PCSK6: variants seen among roughly 807,000 people sequenced by gnomAD.
PCSK6 encodes proprotein convertase subtilisin/kexin type 6.
A neutral mutation model predicts 123.3 loss-of-function variants in PCSK6; 85 were observed. The observed-to-expected ratio is 0.69, with a 90% CI of 0.58 to 0.83. The LOEUF (loss-of-function observed/expected upper bound fraction) is 0.83. Ranked by LOEUF, PCSK6 falls within the 40% of genes least tolerant of loss-of-function variation. The probability of loss-of-function intolerance (pLI) is 0.00; values close to 1 mark genes in which losing one functional copy is unlikely to be tolerated. For missense variants in PCSK6, 1,191 were observed against 1,282.3 expected, an observed-to-expected ratio of 0.93 and a Z score of 1.09; for synonymous variants, 508 against 516.0, an observed-to-expected ratio of 0.98 and a Z score of 0.21.
chr15:101,474,324 C>T (rs974841719), intron 1 of PCSK6, among the ~76,000 whole-genome samples: 2 of 152,184 alleles, frequency 1.3e-5, no homozygotes, highest in African/African-American at 4.8e-5. Flanking sequence ...AGGCACAGAT[C>T]CAGGTACATG....
At chr15:101,333,077 G>C (rs1024626038) in intron 13 of PCSK6, among the ~76,000 whole-genome samples, 2 of 152,162 alleles carry the variant, frequency 1.3e-5, no homozygotes, top group African/African-American at 4.8e-5. Context: ...GTAAGTCAAA[G>C]AGCATCTATG....
At chr15:101,480,700 CAGTGGGGCCTCCAGGGCACT>C (rs1199383214) in intron 1 of PCSK6, among the ~76,000 whole-genome samples, 2 of 152,184 alleles carry the variant, frequency 1.3e-5, no homozygotes, top group Admixed American at 6.5e-5. Flanking sequence ...TCCAGGGCAC[CAGTGGGGCCTCCAGGGCACT>C]AGTGGGGCCT....
At chr15:101,319,898 C>G (rs980483721) in intron 18 of PCSK6, among the ~76,000 whole-genome samples, 1 of 152,102 alleles carries the variant, frequency 6.6e-6, no homozygotes, top group Non-Finnish European at 1.5e-5. Context: ...TCCCTGTGAG[C>G]TGCTTTAGCC....
chr15:101,389,875 AAAC>A (rs2042173835), intron 8 of PCSK6, among the ~76,000 whole-genome samples: 1 of 152,130 alleles, frequency 6.6e-6, no homozygotes, highest in Non-Finnish European at 1.5e-5. Flanking sequence ...AAAAATGGTA[AAAC>A]AACATGAAAC....
At chr15:101,479,213 G>T (rs1488226713) in intron 1 of PCSK6, among the ~76,000 whole-genome samples, 1 of 152,248 alleles carries the variant, frequency 6.6e-6, no homozygotes, top group Non-Finnish European at 1.5e-5. Context: ...TAATGCCAAA[G>T]AAGGGCAGGG....
intron 6 of PCSK6, among the ~76,000 whole-genome samples, chr15:101,403,231 T>G (rs1430743918): frequency 4.1e-4 from 51 of 123,092 alleles, no homozygotes; most frequent in African/African-American, 1.6e-3. Flanking sequence ...TGAGAACACA[T>G]GGACACAGGA....
intron 6 of PCSK6, among the ~76,000 whole-genome samples, chr15:101,412,912 C>T (rs887980935): frequency 3.3e-5 from 5 of 151,338 alleles, no homozygotes; most frequent in African/African-American, 1.2e-4. Flanking sequence ...TGCTTGTGCC[C>T]AGGAGTTCGA....
intron 6 of PCSK6, among the ~76,000 whole-genome samples, chr15:101,417,748 C>G (rs1427250744): frequency 6.6e-6 from 1 of 151,566 alleles, no homozygotes; most frequent in Non-Finnish European, 1.5e-5. Context: ...AATTTAAAAG[C>G]TGAAGGAATT....
intron 17 of PCSK6, among the ~76,000 whole-genome samples, chr15:101,324,224 G>A (rs1244774012): frequency 1.3e-5 from 2 of 152,220 alleles, no homozygotes; most frequent in Admixed American, 1.3e-4. Flanking sequence ...CCTGTGAAAT[G>A]CCCGGCAAAG....
intron 6 of PCSK6, among the ~76,000 whole-genome samples, chr15:101,420,461 T>C (rs28579097): frequency 0.25 from 38,022 of 151,874 alleles, 5,026 homozygotes; most frequent in East Asian, 0.38. Context: ...CCTAGGCTTA[T>C]GTGGTCCTCT....
chr15:101,478,227 C>T (rs1251465838), intron 1 of PCSK6, among the ~76,000 whole-genome samples: 1 of 152,152 alleles, frequency 6.6e-6, no homozygotes, highest in African/African-American at 2.4e-5. Context: ...TCAGTTTGCT[C>T]ATCTGTGTAA....
chr15:101,413,974 T>C (rs1032661905), intron 6 of PCSK6, among the ~76,000 whole-genome samples: 2 of 152,066 alleles, frequency 1.3e-5, no homozygotes, highest in African/African-American at 4.8e-5. Context: ...TATAGGCAAG[T>C]TGAAAGTAAA....
intron 18 of PCSK6, among the ~76,000 whole-genome samples, chr15:101,321,151 G>A (rs2040114064): frequency 6.6e-6 from 1 of 152,198 alleles, no homozygotes; most frequent in African/African-American, 2.4e-5. Flanking sequence ...CAGAGCCTGG[G>A]ACATCAAAGC....
chr15:101,320,929 T>C (rs998519993), intron 18 of PCSK6, among the ~76,000 whole-genome samples: 2 of 152,194 alleles, frequency 1.3e-5, no homozygotes, highest in African/African-American at 4.8e-5. Flanking sequence ...AGGAGGCGTT[T>C]TCTCTTTAGC....
At chr15:101,411,792 A>G (rs2055698142) in intron 6 of PCSK6, among the ~76,000 whole-genome samples, 1 of 152,198 alleles carries the variant, frequency 6.6e-6, no homozygotes, top group African/African-American at 2.4e-5. Flanking sequence ...GCCCGACCTC[A>G]CTGCTGGGGC....
At chr15:101,462,305 A>C (rs1328535413) in intron 1 of PCSK6, among the ~76,000 whole-genome samples, 1 of 152,248 alleles carries the variant, frequency 6.6e-6, no homozygotes, top group Non-Finnish European at 1.5e-5. Context: ...CTAAATAAAG[A>C]GATACCATGC....
chr15:101,317,722 T>C (rs1043767000), intron 19 of PCSK6, among the ~76,000 whole-genome samples: 1 of 152,220 alleles, frequency 6.6e-6, no homozygotes, highest in Non-Finnish European at 1.5e-5. Flanking sequence ...CTCTTATCCC[T>C]TTCCCCATCT....
intron 2 of PCSK6, among the ~76,000 whole-genome samples, chr15:101,436,335 G>C (rs2056599691): frequency 6.6e-6 from 1 of 152,186 alleles, no homozygotes; most frequent in Non-Finnish European, 1.5e-5. Flanking sequence ...AAGCTGCTGA[G>C]GTTCTTTGAA....
chr15:101,389,536 G>A lies in PCSK6; in HGVS notation c.1238C>T (p.Thr413Ile). The stretch of plus-strand genomic sequence containing the variant: ...GACTGAGGTCCCAGTGTGGCCATCG[G>A]TACAGCGCTGACGCAGATCCGTGGT... ...IVTTDLRQRC[T>I]DGHTGTSVSA... Residue 413 changes from threonine (T) to isoleucine (I), a missense_variant, in exon 9 of 22, where the codon ACC becomes ATC. Around this residue, in one of 3 missense-constraint regions of PCSK6, gnomAD observed 357 missense variants for 484.5 expected, o/e 0.74. Transcript: ENST00000611716. 1 of 1,613,604 alleles carries A rather than the reference G, an allele frequency of 6.2e-7. No individual in the cohort carries two copies. The highest frequency in any genetic ancestry group is 8.5e-7 in the Non-Finnish European group (1 of 1,179,662).
Sources: gnomAD v4.1 joint callset for allele counts (sites outside exome capture counted in the v4.1 genomes callset) on GRCh38, gnomAD v4.1.1 for gene constraint, gnomAD v4.1.1 regional missense constraint, MANE v1.5 for transcripts, NCBI Gene and HGNC (gene_info 2026-07-23, HGNC 2026-07-21) for gene names.